MLXIPL: variants seen among roughly 807,000 people sequenced by gnomAD.
MLXIPL encodes the protein carbohydrate-responsive element-binding protein.
A neutral mutation model predicts 81.5 loss-of-function variants in MLXIPL; 49 were observed. That is an observed-to-expected ratio of 0.60 (90% CI 0.48 to 0.76). MLXIPL has a LOEUF of 0.76. Ranked by LOEUF, MLXIPL falls within the 30% of genes least tolerant of loss-of-function variation. The pLI is 0.00. For synonymous variants in MLXIPL, 466 were observed against 485.5 expected (o/e 0.96, Z 0.53); for missense variants, 1,053 against 1,167.0 (o/e 0.90, Z 1.42).
chr7:73,602,134 T>G (rs368278036), intron 7 of MLXIPL, among the ~76,000 whole-genome samples: 4 of 104,562 alleles, frequency 3.8e-5, no homozygotes, highest in African/African-American at 1.4e-4. Flanking sequence ...CTGCCTGCCT[T>G]CCTTCCTTCC....
intron 1 of MLXIPL, among the ~76,000 whole-genome samples, chr7:73,616,764 C>T (rs1326036191): frequency 6.8e-6 from 1 of 146,572 alleles, no homozygotes; most frequent in Non-Finnish European, 1.5e-5. Context: ...AGGAGAATTG[C>T]TTGAGCCTGG....
chr7:73,607,016 G>A lies in MLXIPL; in HGVS notation c.576C>T (p.Leu192=). The A allele has an allele frequency of 6.2e-7, 1 of 1,613,542 alleles. No homozygotes were observed. Among genetic ancestry groups the A allele is most frequent in the South Asian group, 1.1e-5 (1 of 90,882 alleles). The change falls in exon 5 of 17, where the codon CTC becomes CTT. Residue 192 remains leucine, a splice_region_variant and synonymous_variant. Coordinates refer to ENST00000313375, the MANE Select transcript of MLXIPL (RefSeq NM_032951.3). ...HKWRIYYKKR[L]RKPSREDDLL... is the part of the protein sequence containing the mutation. ...GGTCATCTTCCCTGCTGGGCTTACG[G>A]AGCTGCAGGGACACACAGAGTTGGA...
chr7:73,640,418 A>G, the MLXIPL span, among the ~76,000 whole-genome samples: 2 of 150,456 alleles, frequency 1.3e-5, no homozygotes, highest in African/African-American at 2.4e-5. Context: ...AAAAAAAAGA[A>G]AAAGAAAAAA....
rs80073795 is a variant in MLXIPL, at chr7:73,624,280, G to A, written c.213C>T (p.Ser71=). 308 of 1,589,302 alleles carry A rather than the reference G, an allele frequency of 1.9e-4. No homozygotes were observed. In the African/African-American group the frequency reaches 3.8e-3, roughly 20 times the overall value. ...SLPRRRDQEG[S]VGPSDFGPRS... ...GCGGCCCGAAGTCGGAGGGCCCCAC[G>A]GACCCCTCCTGGTCGCGCCGCCGGG... Residue 71 remains serine (S), a synonymous_variant, in exon 1 of 17, where the codon TCC becomes TCT. Transcript: ENST00000313375.
At chr7:73,632,799 C>CTTCA in the MLXIPL span, among the ~76,000 whole-genome samples, 3 of 140,790 alleles carry the variant, frequency 2.1e-5, no homozygotes, top group African/African-American at 8.0e-5. Context: ...TCCTTCCTTC[C>CTTCA]GACGGAGTCT....
Position 73,594,377 on chromosome 7 carries a change from A to C in MLXIPL, c.2337T>G (p.Phe779Leu). 6.2e-7 allele frequency: 1 copy of C among 1,606,206 alleles called. No individual in the cohort carries two copies. The highest frequency in any genetic ancestry group is 8.5e-7 in the Non-Finnish European group (1 of 1,179,982). ...TGGACACCATCCCGTTGAAGGACTC[A>C]AACAGAGGCCGGATGAGGATGCTGA... ...WVFSILIRPL[F>L]ESFNGMVSTA... The change falls in exon 16 of 17, where the codon TTT becomes TTG. Residue 779 changes from phenylalanine to leucine, a missense_variant. Transcript: ENST00000313375.
At chr7:73,604,782 T>G (rs1554597395) in intron 7 of MLXIPL, among the ~76,000 whole-genome samples, 1 of 152,190 alleles carries the variant, frequency 6.6e-6, no homozygotes, top group South Asian at 2.1e-4. Flanking sequence ...TTAATTTTTT[T>G]GAGACAGAGT....
At position 73,599,680 on chromosome 7, in the gene MLXIPL, G is replaced by A. The variant is rs782222723; in HGVS notation, c.917C>T (p.Ser306Phe). ...AGGCATGGGCGGCTGTGGGAGGCGG[G>A]AGTTGGTAAAGAAATCTGTAATTCA... ...FMDISDFFTN[S>F]RLPQPPMPSN... Residue 306 changes from serine to phenylalanine, a missense_variant, in exon 8 of 17, where the codon TCC becomes TTC. This residue lies in a region of MLXIPL where 823 missense variants were observed against 933.0 expected (regional missense o/e 0.88). Coordinates refer to ENST00000313375, the MANE Select transcript of MLXIPL (RefSeq NM_032951.3). 2 of 1,606,496 alleles carry A rather than the reference G, an allele frequency of 1.2e-6. No individual in the cohort carries two copies. The highest frequency in any genetic ancestry group is 1.7e-6 in the Non-Finnish European group (2 of 1,176,166).
chr7:73,600,026 C>A (rs1355501043), intron 7 of MLXIPL, among the ~76,000 whole-genome samples: 3 of 152,128 alleles, frequency 2.0e-5, no homozygotes, highest in Admixed American at 6.5e-5. Flanking sequence ...TGGTGGCTCC[C>A]CTTCCCTGAT....
the MLXIPL span, among the ~76,000 whole-genome samples, chr7:73,640,402 C>CAA: frequency 1.3e-4 from 11 of 82,244 alleles, no homozygotes; most frequent in African/African-American, 1.9e-4. Context: ...ACCCTGTCTC[C>CAA]AAAAAAAAAA....
chr7:73,605,818 G>T (rs1297159471), intron 6 of MLXIPL, 50 bp from the exon 7 acceptor site: 2 of 1,597,272 alleles, frequency 1.3e-6, no homozygotes, highest in Non-Finnish European at 1.7e-6. Flanking sequence ...GAGGAGCAGG[G>T]TCCCCACCCC....
Sources: gnomAD v4.1 joint callset for allele counts (sites outside exome capture counted in the v4.1 genomes callset) on GRCh38, gnomAD v4.1.1 for gene constraint, gnomAD v4.1.1 regional missense constraint, MANE v1.5 for transcripts, NCBI Gene and HGNC (gene_info 2026-07-23, HGNC 2026-07-21) for gene names.